Variants in PRICKLE2 observed in about 807,000 individuals in gnomAD.
PRICKLE2 encodes the protein prickle planar cell polarity protein 2.
A neutral mutation model predicts 81.4 loss-of-function variants in PRICKLE2; 21 were observed. The ratio of observed to expected loss-of-function variants is 0.26; its 90% CI spans 0.18 to 0.37. The LOEUF is 0.37. Ranked by LOEUF, PRICKLE2 falls within the 10% of genes least tolerant of loss-of-function variation. PRICKLE2 has a pLI of 1.00. For synonymous variants in PRICKLE2, 456 were observed against 421.5 expected, an observed-to-expected ratio of 1.08 and a Z score of -1.00; for missense variants, 940 against 1,109.0, an observed-to-expected ratio of 0.85 and a Z score of 2.16.
At chr3:64,237,343 G>T (rs1037447226) in intron 2 of PRICKLE2, among the ~76,000 whole-genome samples, 6 of 151,982 alleles carry the variant, frequency 3.9e-5, no homozygotes, top group African/African-American at 1.5e-4. Flanking sequence ...AAATGTGGAG[G>T]ATTTTATTGC....
chr3:64,099,287 G>C lies in PRICKLE2; in HGVS notation c.2299C>G (p.Pro767Ala), dbSNP rs1422829079. ...CACCAATCATACTCGGCGAAGTAGG[G>C]TCCCCAGCGGTCCCCAAAGGCATTC... ...LQNAFGDRWG[P>A]YFAEYDWCST... Residue 767 changes from proline (P) to alanine (A), a missense_variant, in exon 8 of 8, where the codon CCC becomes GCC. This residue lies in a region of PRICKLE2 where 670 missense variants were observed against 717.2 expected (regional missense o/e 0.93). Coordinates refer to ENST00000638394, the MANE Select transcript of PRICKLE2 (RefSeq NM_198859.4). This position sits in a 1 kb window ranked among gnomAD's most constrained non-coding sequence, Gnocchi z 4.3. 1.9e-6 allele frequency: 3 copies of C among 1,614,158 alleles called. No homozygotes were observed. The Admixed American group carries it at 5.0e-5, about 27-fold the overall frequency.
intron 7 of PRICKLE2, among the ~76,000 whole-genome samples, chr3:64,126,065 T>C (rs185456339): frequency 5.3e-4 from 80 of 152,246 alleles, no homozygotes; most frequent in Non-Finnish European, 9.7e-4. Flanking sequence ...ATTTATACAT[T>C]ATATATTTCT....
Position 64,137,016 on chromosome 3 carries a change from T to C in PRICKLE2, c.1660+9814A>G, listed in dbSNP as rs149829350. Among the ~76,000 whole-genome samples, 741 of 152,298 alleles carry C rather than the reference T, an allele frequency of 4.9e-3. 4 individuals are homozygous for C. The highest frequency in any genetic ancestry group is 0.019 in the East Asian group (96 of 5,178). ...AATGCAGGCCACAAACTATTCACTATGTTTATAACCAAGTTAGAGAAAAAT... is the reference window on the plus strand; with the variant it reads ...AATGCAGGCCACAAACTATTCACTACGTTTATAACCAAGTTAGAGAAAAAT... On this transcript the variant is annotated intron_variant, in intron 7 of 7. Coordinates refer to ENST00000638394, the MANE Select transcript of PRICKLE2 (RefSeq NM_198859.4).
At position 64,224,938 on chromosome 3, in the gene PRICKLE2, G is replaced by A. The variant is rs757566008; in HGVS notation, c.-69C>T. 31 of 985,098 alleles carry A rather than the reference G, an allele frequency of 3.1e-5. No homozygotes were observed. The highest frequency in any genetic ancestry group is 1.0e-3 in the Middle Eastern group (2 of 1,934). The allele number at this position is 985,098 out of a possible 1,614,324, so 61.0% of individuals were successfully genotyped here. On this transcript the variant is annotated 5_prime_UTR_variant, in exon 1 of 8. Transcript: ENST00000638394. ...CAGGGAGGATGAAATGCCCAGTCTCGGAGGAAGCTTCTGCCAGACCCTTGG... is the reference window on the plus strand; with the variant it reads ...CAGGGAGGATGAAATGCCCAGTCTCAGAGGAAGCTTCTGCCAGACCCTTGG...
At chr3:64,165,281 G>C (rs370663754) in intron 2 of PRICKLE2, among the ~76,000 whole-genome samples, 2 of 152,074 alleles carry the variant, frequency 1.3e-5, no homozygotes, top group East Asian at 3.9e-4. Flanking sequence ...GGCCCAAGTT[G>C]GAATCTTCCC....
At chr3:64,229,354 G>T (rs1294429254), upstream of PRICKLE2, among the ~76,000 whole-genome samples, 1 of 152,174 alleles carries the variant, frequency 6.6e-6, no homozygotes, top group East Asian at 1.9e-4. Context: ...GGAAGGGTAA[G>T]TGACAGGAAG....
At chr3:64,265,027 G>A (rs180826097) in intron 2 of PRICKLE2, among the ~76,000 whole-genome samples, 24 of 152,182 alleles carry the variant, frequency 1.6e-4, no homozygotes, top group South Asian at 6.2e-4. Flanking sequence ...TGTTCCCTCC[G>A]CTACCCCTAC....
intron 1 of PRICKLE2, among the ~76,000 whole-genome samples, chr3:64,213,473 A>G (rs1302901127): frequency 6.6e-6 from 1 of 152,210 alleles, no homozygotes; most frequent in African/African-American, 2.4e-5. Context: ...AGAGTTACCA[A>G]GCCCTTTCAT....
intron 2 of PRICKLE2, chr3:64,267,975 G>A (rs1226589406): frequency 3.3e-5 from 5 of 152,442 alleles, no homozygotes; most frequent in Admixed American, 2.6e-4. Context: ...CGGGGAAAGG[G>A]GGTTGGAGAC....
intron 2 of PRICKLE2, among the ~76,000 whole-genome samples, chr3:64,237,662 C>G (rs2079202315): frequency 6.6e-6 from 1 of 152,112 alleles, no homozygotes; most frequent in Non-Finnish European, 1.5e-5. Context: ...GGCAGGAAAA[C>G]AGGAATGCAT....
chr3:64,215,802 T>G (rs905036640), intron 1 of PRICKLE2, among the ~76,000 whole-genome samples: 4 of 152,202 alleles, frequency 2.6e-5, no homozygotes, highest in African/African-American at 9.7e-5. Flanking sequence ...GTACCATAAC[T>G]ATAGTGTAGT....
At chr3:64,249,986 G>A (rs563040907) in intron 2 of PRICKLE2, among the ~76,000 whole-genome samples, 2 of 152,310 alleles carry the variant, frequency 1.3e-5, no homozygotes, top group Admixed American at 6.5e-5. Context: ...CTCAAGGCCT[G>A]AATATTCTTA....
intron 7 of PRICKLE2, among the ~76,000 whole-genome samples, chr3:64,120,421 C>G (rs1276045664): frequency 1.3e-5 from 2 of 152,064 alleles, no homozygotes; most frequent in Admixed American, 1.3e-4. Flanking sequence ...AGATAAGGAA[C>G]TGAAAACAGA....
chr3:64,136,792 A>C (rs2106996831), intron 7 of PRICKLE2, among the ~76,000 whole-genome samples: 1 of 152,304 alleles, frequency 6.6e-6, no homozygotes, highest in East Asian at 1.9e-4. Context: ...AGTCAATAAA[A>C]AAGGAAGTCA....
chr3:64,131,092 T>A (rs962956550), intron 7 of PRICKLE2, among the ~76,000 whole-genome samples: 1 of 152,236 alleles, frequency 6.6e-6, no homozygotes, highest in African/African-American at 2.4e-5. Context: ...GCCTCAAACC[T>A]GAGATGGCTC....
intron 1 of PRICKLE2, among the ~76,000 whole-genome samples, chr3:64,211,776 G>C (rs772291315): frequency 6.6e-6 from 1 of 152,218 alleles, no homozygotes; most frequent in Non-Finnish European, 1.5e-5. Flanking sequence ...GCTACAGAAG[G>C]TTCCTGGTTA....
intron 3 of PRICKLE2, among the ~76,000 whole-genome samples, chr3:64,162,088 G>A (rs2077744534): frequency 6.6e-6 from 1 of 151,964 alleles, no homozygotes; most frequent in South Asian, 2.1e-4. Flanking sequence ...TTCTAATGTG[G>A]GAAAATAAGA....
rs1428779401 is a variant in PRICKLE2, at chr3:64,153,298, T to G, written c.671A>C (p.Glu224Ala). The change falls in exon 6 of 8, where the codon GAG becomes GCG. Residue 224 changes from glutamate to alanine, a missense_variant. Around this residue, in one of 2 missense-constraint regions of PRICKLE2, gnomAD observed 270 missense variants for 391.8 expected, o/e 0.69. Coordinates refer to ENST00000638394, the MANE Select transcript of PRICKLE2 (RefSeq NM_198859.4). ...HWHMKHFCCF[E>A]CETVLGGQRY... is the part of the protein sequence containing the mutation. ...CTGGCCGCCCAGCACTGTCTCACAC[T>G]CGAAGCAGCAAAAGTGTTTCATGTG... 1 of 1,614,058 alleles carries G rather than the reference T, an allele frequency of 6.2e-7. No individual in the cohort carries two copies. Among genetic ancestry groups the G allele is most frequent in the Non-Finnish European group, 8.5e-7 (1 of 1,180,036 alleles).
At chr3:64,136,862 A>T (rs1355203842) in intron 7 of PRICKLE2, among the ~76,000 whole-genome samples, 7 of 152,226 alleles carry the variant, frequency 4.6e-5, no homozygotes, top group African/African-American at 1.4e-4. Flanking sequence ...CAGATCATTT[A>T]AAAAAACTGC....
Sources: allele counts gnomAD v4.1 joint callset (sites outside exome capture counted in the v4.1 genomes callset), GRCh38; gene constraint gnomAD v4.1.1; regional missense constraint gnomAD v4.1.1; non-coding constraint Gnocchi (gnomAD v3.1); transcripts MANE v1.5; gene names NCBI Gene and HGNC (gene_info 2026-07-23, HGNC 2026-07-21).